Variants in C10orf53 observed in about 807,000 individuals in gnomAD.
C10orf53 encodes the protein chromosome 10 open reading frame 53, also known as UPF0728 protein C10orf53.
A neutral mutation model predicts 9.4 loss-of-function variants in C10orf53; 8 were observed. The ratio of observed to expected loss-of-function variants is 0.85; its 90% confidence interval spans 0.50 to 1.53. The LOEUF is 1.53. Ranked by LOEUF, C10orf53 falls within the 40% of genes most tolerant of loss-of-function variation. C10orf53 has a pLI of 0.00. For missense variants in C10orf53, 117 were observed against 117.8 expected (o/e 0.99, Z 0.03); for synonymous variants, 48 against 46.0 (o/e 1.04, Z -0.18).
At chr10:49,698,706 T>A (rs141551751), downstream of C10orf53, among the ~76,000 whole-genome samples, 4 of 152,316 alleles carry the variant, frequency 2.6e-5, no homozygotes, top group Non-Finnish European at 5.9e-5. Flanking sequence ...TTGAAAATGC[T>A]GGTGGAAGGG....
At chr10:49,707,846 A>G (rs1236873099) in intron 2 of C10orf53, among the ~76,000 whole-genome samples, 3 of 152,036 alleles carry the variant, frequency 2.0e-5, no homozygotes, top group African/African-American at 7.2e-5. Context: ...TGAGGCATCT[A>G]ATAGTATCTC....
chr10:49,688,467 G>C (rs145624116), intron 1 of C10orf53, among the ~76,000 whole-genome samples: 3 of 152,054 alleles, frequency 2.0e-5, no homozygotes, highest in African/African-American at 4.8e-5. Context: ...CTTGCAGTTT[G>C]TTCTCAGTAA....
chr10:49,708,526 A>G, exon 3 of C10orf53: 2 of 1,614,176 alleles, frequency 1.2e-6, no homozygotes, highest in Non-Finnish European at 1.7e-6. Context: ...TCATGTATCC[A>G]TTTCCAAACC....
intron 2 of C10orf53, among the ~76,000 whole-genome samples, chr10:49,706,848 G>A (rs1310970964): frequency 6.6e-6 from 1 of 152,202 alleles, no homozygotes; most frequent in Non-Finnish European, 1.5e-5. Flanking sequence ...TTGCAAAGAT[G>A]TCCATATCAC....
At chr10:49,694,451 A>T in intron 2 of C10orf53, 87 bp from the exon 3 acceptor site, 1 of 1,554,210 alleles carries the variant, frequency 6.4e-7, no homozygotes, top group Admixed American at 1.7e-5. Flanking sequence ...TTGAAAATGC[A>T]CTCTGGGTGG....
At chr10:49,705,966 C>A (rs1326785673) in intron 2 of C10orf53, among the ~76,000 whole-genome samples, 7 of 152,162 alleles carry the variant, frequency 4.6e-5, no homozygotes, top group Non-Finnish European at 8.8e-5. Context: ...AAAACCATTT[C>A]TCCAAAGAAG....
downstream of C10orf53, among the ~76,000 whole-genome samples, chr10:49,702,315 G>A (rs2132890295): frequency 6.6e-6 from 1 of 152,250 alleles, no homozygotes; most frequent in African/African-American, 2.4e-5. Context: ...CCAGTTGACT[G>A]GGCCATGGGG....
In C10orf53 at chr10:49,694,977, CT is replaced by C; in HGVS notation, c.*376del. ...ATTCCATTGTTTAGTACTCAAAGTG[CT>C]CAGAACAGGTGAAATTAAAGAGAGG... On this transcript the variant is annotated 3_prime_UTR_variant, in exon 3 of 3. Transcript: ENST00000374111. 1.0e-6 allele frequency: 1 copy of C among 1,004,512 alleles called. No individual in the cohort carries two copies. The highest frequency in any genetic ancestry group is 1.2e-6 in the Non-Finnish European group (1 of 839,586). The allele number at this position is 1,004,512 out of a possible 1,614,324, so 62.2% of individuals were successfully genotyped here.
chr10:49,690,819 G>A (rs984485646), intron 1 of C10orf53, among the ~76,000 whole-genome samples: 9 of 152,218 alleles, frequency 5.9e-5, no homozygotes, highest in Non-Finnish European at 1.2e-4. Flanking sequence ...CGGCCCTTGC[G>A]CGGGGGTGTG....
rs768025959 is a variant in C10orf53 at position 49,696,572 on chromosome 10, T to TGG, written c.*1971_*1972dup. Among the ~76,000 whole-genome samples the TGG allele has an allele frequency of 7.2e-5, 11 of 152,194 alleles. No individual in the cohort carries two copies. Among genetic ancestry groups the TGG allele is most frequent in the Non-Finnish European group, 1.6e-4 (11 of 68,032 alleles). ...ACAAGTGAAGAAGACCTGCCCTCCT[T>TGG]GGCTTCATGACCAGAGCTGAAGGGC... On this transcript the variant is annotated 3_prime_UTR_variant, in exon 3 of 3. Transcript: ENST00000374111.
At chr10:49,707,760 C>T (rs944690225) in intron 2 of C10orf53, among the ~76,000 whole-genome samples, 6 of 151,884 alleles carry the variant, frequency 4.0e-5, no homozygotes, top group Admixed American at 2.0e-4. Flanking sequence ...GGTAGCACGC[C>T]GCATTTGAAT....
chr10:49,694,488 A>G (rs749424513), intron 2 of C10orf53, 50 bp from the exon 3 acceptor site: 16 of 1,610,918 alleles, frequency 9.9e-6, no homozygotes, highest in Non-Finnish European at 1.3e-5. Flanking sequence ...TGATATGATA[A>G]CAAATTGTAT....
intron 1 of C10orf53, among the ~76,000 whole-genome samples, chr10:49,686,467 G>A (rs949154163): frequency 7.9e-5 from 12 of 152,298 alleles, no homozygotes; most frequent in South Asian, 2.1e-4. Context: ...CTGCGGGGTC[G>A]GGCAGAATAC....
intron 1 of C10orf53, among the ~76,000 whole-genome samples, chr10:49,687,682 A>G (rs1840541826): frequency 6.6e-6 from 1 of 152,248 alleles, no homozygotes; most frequent in Non-Finnish European, 1.5e-5. Flanking sequence ...GGGCTCTGCA[A>G]GCGTTAGTTC....
At position 49,693,908 on chromosome 10, in the gene C10orf53, G is replaced by A. The variant is rs191229611; in HGVS notation, c.217+15G>A. On this transcript the variant is annotated intron_variant, in intron 2 of 2. Transcript: ENST00000374111. ...CTTGGAGTTCGGTAAGCCCTTTGGC[G>A]ATGCTTCCAGCCAGCAATTTGCCTC... 599 of 1,614,212 alleles carry A rather than the reference G, an allele frequency of 3.7e-4. 4 individuals are homozygous for A. In the East Asian group the frequency reaches 0.011, roughly 31 times the overall value.
intron 1 of C10orf53, among the ~76,000 whole-genome samples, chr10:49,684,684 C>A (rs1840510991): frequency 6.6e-6 from 1 of 152,098 alleles, no homozygotes; most frequent in African/African-American, 2.4e-5. Flanking sequence ...AATACAACTG[C>A]TTTTTGTGTG....
chr10:49,690,054 G>T (rs1352176166), intron 1 of C10orf53, among the ~76,000 whole-genome samples: 1 of 152,126 alleles, frequency 6.6e-6, no homozygotes, highest in African/African-American at 2.4e-5. Context: ...TCTGGACTTG[G>T]TGAGCTGAAG....
chr10:49,692,919 T>C lies in C10orf53; in HGVS notation c.98-855T>C, dbSNP rs191189751. ...TTTTCTAAAAAACTTTTTTTCAGAT[T>C]ATTATACGCAATCTGGAAAATGCTG... On this transcript the variant is annotated intron_variant, in intron 1 of 2. Coordinates refer to ENST00000374111, the MANE Select transcript of C10orf53 (RefSeq NM_001042427.3). Among the ~76,000 whole-genome samples, 1,196 of 152,338 alleles carry C rather than the reference T, an allele frequency of 7.9e-3. 4 individuals are homozygous for C. The highest frequency in any genetic ancestry group is 0.017 in the South Asian group (80 of 4,820).
chr10:49,697,183 A>G lies in C10orf53; in HGVS notation c.*2581A>G, dbSNP rs1840643249. ...ACTCCAGCCTGGGTGACAAAGTGAG[A>G]CCCTGTCTCAGAAAATAAAATAAAG... On this transcript the variant is annotated 3_prime_UTR_variant, in exon 3 of 3. Coordinates refer to ENST00000374111, the MANE Select transcript of C10orf53 (RefSeq NM_001042427.3). Among the ~76,000 whole-genome samples the G allele has an allele frequency of 6.6e-6, 1 of 152,074 alleles. No homozygotes were observed. Among genetic ancestry groups the G allele is most frequent in the Non-Finnish European group, 1.5e-5 (1 of 68,002 alleles).
Sources: allele counts gnomAD v4.1 joint callset (sites outside exome capture counted in the v4.1 genomes callset), GRCh38; gene constraint gnomAD v4.1.1; transcripts MANE v1.5; gene names NCBI Gene and HGNC (gene_info 2026-07-23, HGNC 2026-07-21).